Variants in ZIM2 observed in about 807,000 individuals in gnomAD.
ZIM2 encodes the protein zinc finger protein 656.
ZIM2 carries 14 observed loss-of-function variants against 38.6 expected under a neutral mutation model. The observed-to-expected ratio is 0.36, with a 90% CI of 0.24 to 0.57. The LOEUF is 0.57. Ranked by LOEUF, ZIM2 falls within the 20% of genes least tolerant of loss-of-function variation. ZIM2 has a pLI of 0.81. For synonymous variants in ZIM2, 247 were observed against 245.8 expected (o/e 1.00, Z -0.04); for missense variants, 680 against 695.1 (o/e 0.98, Z 0.24).
chr19:56,814,698 C>T lies in ZIM2; in HGVS notation c.490+3048G>A, dbSNP rs868528666. 1 of 1,614,030 alleles carries T rather than the reference C, an allele frequency of 6.2e-7. No homozygotes were observed. The highest frequency in any genetic ancestry group is 8.5e-7 in the Non-Finnish European group (1 of 1,179,964). ...GGCTCTGCTCCAGTAAATCATCTTC[C>T]CTATGAAGTCTCATATGCTCATTAA... On this transcript the variant is annotated intron_variant, in intron 9 of 12. Coordinates refer to ENST00000629319, the MANE Select transcript of ZIM2 (RefSeq NM_001387356.1). The surrounding 1 kb of genome is among the most constrained non-coding windows in gnomAD (Gnocchi z 5.8).
At chr19:56,789,485 A>G (rs1180881306) in intron 10 of ZIM2, among the ~76,000 whole-genome samples, 3 of 152,208 alleles carry the variant, frequency 2.0e-5, no homozygotes, top group Admixed American at 6.5e-5. Flanking sequence ...CCTCATATAT[A>G]AAAAGGGGAA....
intron 9 of ZIM2, 82 bp from the exon 10 acceptor site, chr19:56,790,033 A>C (rs1600747485): frequency 9.3e-6 from 11 of 1,182,098 alleles, no homozygotes; most frequent in East Asian, 2.9e-5. Flanking sequence ...CCCTCATGCC[A>C]CCCTGTCCTG....
intron 10 of ZIM2, among the ~76,000 whole-genome samples, chr19:56,784,724 TTTGA>T (rs1259729858): frequency 1.3e-5 from 2 of 152,196 alleles, no homozygotes; most frequent in Non-Finnish European, 1.5e-5. Context: ...AATTAATCTC[TTTGA>T]TTCTCATTGT....
intron 12 of ZIM2, among the ~76,000 whole-genome samples, chr19:56,777,235 T>C (rs772894086): frequency 7.9e-5 from 12 of 152,130 alleles, no homozygotes; most frequent in Non-Finnish European, 1.5e-4. Context: ...GAGGGATAGC[T>C]GGGCCCATCA....
intron 9 of ZIM2, among the ~76,000 whole-genome samples, chr19:56,791,915 C>G (rs1047159555): frequency 3.9e-5 from 6 of 151,916 alleles, no homozygotes; most frequent in African/African-American, 1.5e-4. Flanking sequence ...CCCCTTGCAT[C>G]TAAAATTTAG....
intron 2 of ZIM2, among the ~76,000 whole-genome samples, chr19:56,831,971 G>A (rs1173634264): frequency 2.0e-5 from 3 of 152,110 alleles, no homozygotes; most frequent in Non-Finnish European, 4.4e-5. Flanking sequence ...TTTAATAAAT[G>A]GCATGATCTC....
chr19:56,839,183 T>C (rs1008421777), intron 1 of ZIM2, among the ~76,000 whole-genome samples: 8 of 148,200 alleles, frequency 5.4e-5, no homozygotes, highest in African/African-American at 2.0e-4. Flanking sequence ...AATGCCACCC[T>C]GTCACTTCAG....
In ZIM2 at chr19:56,795,304, C is replaced by G. The variant is rs1169483665; in HGVS notation, c.491-5353G>C. Among the ~76,000 whole-genome samples, 3 of 152,314 alleles carry G rather than the reference C, an allele frequency of 2.0e-5. No homozygotes were observed. The East Asian group carries it at 5.8e-4, about 30-fold the overall frequency. On this transcript the variant is annotated intron_variant, in intron 9 of 12. Coordinates refer to ENST00000629319, the MANE Select transcript of ZIM2 (RefSeq NM_001387356.1). The stretch of plus-strand genomic sequence containing the variant: ...GGGGTGGCTTTTCCACCACAAGGCC[C>G]CAGTAGGGCCCGCCGCGGAGTCTTC...
At chr19:56,783,594 G>A (rs544723559) in intron 10 of ZIM2, among the ~76,000 whole-genome samples, 1 of 152,302 alleles carries the variant, frequency 6.6e-6, no homozygotes, top group African/African-American at 2.4e-5. Context: ...AATACCACGT[G>A]TTCTCACTTA....
intron 9 of ZIM2, among the ~76,000 whole-genome samples, chr19:56,792,632 G>C (rs957081199): frequency 7.9e-5 from 12 of 151,250 alleles, no homozygotes; most frequent in African/African-American, 2.9e-4. Flanking sequence ...TCTAAGACGG[G>C]AACAATAAAC....
In ZIM2 at chr19:56,774,802, T is replaced by G; in HGVS notation, c.1563A>C (p.Gln521His). The change falls in exon 13 of 13, where the codon CAA becomes CAC. Residue 521 changes from glutamine (Q) to histidine (H), a missense_variant. Coordinates refer to ENST00000629319, the MANE Select transcript of ZIM2 (RefSeq NM_001387356.1). ...YLIQHYRTHT[Q>H]ERPYQCQLCG... ...ATAGCTGACACTGGTAAGGCCTCTC[T>G]TGAGTGTGAGTTCTATAATGCTGAA... 4 of 1,614,164 alleles carry G rather than the reference T, an allele frequency of 2.5e-6. No homozygotes were observed. Among genetic ancestry groups the G allele is most frequent in the Non-Finnish European group, 3.4e-6 (4 of 1,180,000 alleles).
chr19:56,815,507 C>A (rs1189614029), intron 9 of ZIM2: 1 of 1,613,978 alleles, frequency 6.2e-7, no homozygotes, highest in Non-Finnish European at 8.5e-7. Flanking sequence ...GAGCTATGAG[C>A]AAAGCACTCC....
intron 9 of ZIM2, among the ~76,000 whole-genome samples, chr19:56,796,720 A>G (rs1178945893): frequency 1.3e-5 from 2 of 152,230 alleles, no homozygotes; most frequent in Non-Finnish European, 2.9e-5. Context: ...GACAAAGAGC[A>G]GGCAAATGAA....
At chr19:56,782,777 C>A (rs1434087821) in intron 10 of ZIM2, among the ~76,000 whole-genome samples, 1 of 151,898 alleles carries the variant, frequency 6.6e-6, no homozygotes, top group Non-Finnish European at 1.5e-5. Flanking sequence ...ACATGAGATG[C>A]TTTGATACAG....
At position 56,810,382 on chromosome 19, in the gene ZIM2, C is replaced by T. The variant is rs771542353; in HGVS notation, c.490+7364G>A. ...AAACAAAATAACCATAATCCCACAA[C>T]AACCACACAACTATTTCTTGTTTTT... On this transcript the variant is annotated intron_variant, in intron 9 of 12. Coordinates refer to ENST00000629319, the MANE Select transcript of ZIM2 (RefSeq NM_001387356.1). The T allele has an allele frequency of 1.9e-5, 19 of 985,286 alleles. 1 individual carries two copies. The highest frequency in any genetic ancestry group is 4.7e-5 in the South Asian group (1 of 21,292). 61.0% of individuals were successfully genotyped at this position (985,286 alleles called of 1,614,324 possible). A position where few individuals can be genotyped will look rare whatever the true frequency, so the allele number is the denominator to read the frequency against.
intron 9 of ZIM2, chr19:56,815,527 TGACA>T: frequency 1.2e-6 from 2 of 1,614,162 alleles, no homozygotes; most frequent in Non-Finnish European, 1.7e-6. Flanking sequence ...CCCACACTCC[TGACA>T]TTCATAGAGC....
chr19:56,780,835 C>T (rs2046299599), intron 11 of ZIM2, among the ~76,000 whole-genome samples: 1 of 152,180 alleles, frequency 6.6e-6, no homozygotes, highest in African/African-American at 2.4e-5. Flanking sequence ...TTTTCACCAA[C>T]AGATTGAAGG....
chr19:56,834,638 T>G (rs987924993), intron 2 of ZIM2, among the ~76,000 whole-genome samples: 9 of 152,180 alleles, frequency 5.9e-5, no homozygotes, highest in African/African-American at 2.2e-4. Context: ...TCTACCAACA[T>G]GAGCCCTCGG....
intron 12 of ZIM2, 115 bp from the exon 13 acceptor site, chr19:56,775,644 C>T: frequency 6.9e-7 from 1 of 1,458,556 alleles, no homozygotes; most frequent in East Asian, 2.3e-5. Context: ...TTTCAGGTCT[C>T]TTTTCCTAAT....
Sources: gnomAD v4.1 joint callset for allele counts (sites outside exome capture counted in the v4.1 genomes callset) on GRCh38, gnomAD v4.1.1 for gene constraint, Gnocchi (gnomAD v3.1) non-coding constraint, MANE v1.5 for transcripts, NCBI Gene and HGNC (gene_info 2026-07-23, HGNC 2026-07-21) for gene names.